The following AOX1 variants were observed in gnomAD, a reference collection of about 807,000 sequenced individuals.
AOX1 encodes aldehyde oxidase 1, also known as aldehyde oxidase.
Under a neutral mutation model 169.5 loss-of-function variants are expected in AOX1, and 153 were observed. That is an observed-to-expected ratio of 0.90 (90% CI 0.79 to 1.03). AOX1 has a LOEUF of 1.03. Among genes scored for constraint, AOX1 ranks in the 50% least tolerant of loss-of-function variants. AOX1 has a pLI of 0.00. For synonymous variants in AOX1, 562 were observed against 581.9 expected (o/e 0.97, Z 0.49); for missense variants, 1,656 against 1,663.9 (o/e 1.00, Z 0.08).
chr2:200,589,485 G>A (rs1053370380), intron 1 of AOX1, among the ~76,000 whole-genome samples: 3 of 152,164 alleles, frequency 2.0e-5, no homozygotes, highest in African/African-American at 7.2e-5. Context: ...CTGCCACTTG[G>A]CGGGTCTGGG....
intron 19 of AOX1, 24 bp from the exon 20 acceptor site, chr2:200,627,329 C>G: frequency 6.4e-7 from 1 of 1,570,318 alleles, no homozygotes; most frequent in South Asian, 1.1e-5. Context: ...CCCAAGCTGC[C>G]TCATTCCTCT....
chr2:200,642,058 G>A (rs1264880837), intron 24 of AOX1, among the ~76,000 whole-genome samples: 1 of 152,086 alleles, frequency 6.6e-6, no homozygotes, highest in Non-Finnish European at 1.5e-5. Flanking sequence ...GAACCCCGGA[G>A]GCAGAGGTTG....
Position 200,609,070 on chromosome 2 carries a change from C to A in AOX1, c.994C>A (p.Gln332Lys). 6.2e-7 allele frequency: 1 copy of A among 1,614,064 alleles called. No individual in the cohort carries two copies. The highest frequency in any genetic ancestry group is 2.2e-5 in the East Asian group (1 of 44,874). ...CCAGAAGCTTCCAGAGGAGAAGACA[C>A]AGATGTACCATGCTCTCCTGAAGCA... is the stretch of plus-strand genomic sequence containing the variant. ...VVQKLPEEKT[Q>K]MYHALLKHLG... Residue 332 changes from glutamine (Q) to lysine (K), a missense_variant, in exon 11 of 35, where the codon CAG becomes AAG. Coordinates refer to ENST00000374700, the MANE Select transcript of AOX1 (RefSeq NM_001159.4).
At chr2:200,656,619 A>G (rs933777622) in intron 26 of AOX1, among the ~76,000 whole-genome samples, 3 of 152,052 alleles carry the variant, frequency 2.0e-5, no homozygotes, top group Non-Finnish European at 4.4e-5. Context: ...TGTGCACACA[A>G]TTATTCACCC....
chr2:200,641,181 A>G lies in AOX1; in HGVS notation c.2652A>G (p.Leu884=). ...SNAGASLDES[L]FVIEMGLLKM... ...CAGGCGCCTCCTTGGATGAATCATT[A>G]TTCGTAAGTGTTTTAAGGAGCAAGT... Residue 884 remains leucine, a synonymous_variant, in exon 24 of 35, where the codon TTA becomes TTG. Transcript: ENST00000374700. 1 of 1,606,690 alleles carries G rather than the reference A, an allele frequency of 6.2e-7. No individual in the cohort carries two copies. The highest frequency in any genetic ancestry group is 1.1e-5 in the South Asian group (1 of 90,796).
intron 26 of AOX1, among the ~76,000 whole-genome samples, chr2:200,655,954 A>G (rs757856087): frequency 6.6e-6 from 1 of 152,340 alleles, no homozygotes; most frequent in Non-Finnish European, 1.5e-5. Context: ...TGGTTTATTA[A>G]GTTGACATTG....
At position 200,599,571 on chromosome 2, in the gene AOX1, CT is replaced by C. The variant is rs754055051; in HGVS notation, c.310-48del. The C allele has an allele frequency of 1.5e-4, 227 of 1,531,330 alleles. 3 individuals are homozygous for C. In the East Asian group the frequency reaches 5.3e-3, roughly 36 times the overall value. The allele number at this position is 1,531,330 out of a possible 1,614,324, so 94.9% of individuals were successfully genotyped here. ...GAATGCAGGCTCTAATTCATTAGGCCTGGGATGGGGCCCCAAATTCTGCATT... is the reference window on the plus strand; with the variant it reads ...GAATGCAGGCTCTAATTCATTAGGCCGGGATGGGGCCCCAAATTCTGCATT... On this transcript the variant is annotated intron_variant, in intron 4 of 34. Coordinates refer to ENST00000374700, the MANE Select transcript of AOX1 (RefSeq NM_001159.4).
At chr2:200,667,941 G>C (rs1193372039) in intron 32 of AOX1, among the ~76,000 whole-genome samples, 1 of 152,042 alleles carries the variant, frequency 6.6e-6, no homozygotes, top group African/African-American at 2.4e-5. Flanking sequence ...CATCAGTCAG[G>C]GGGGTTTGTC....
At chr2:200,658,670 C>T (rs527279367) in intron 27 of AOX1, among the ~76,000 whole-genome samples, 1 of 152,370 alleles carries the variant, frequency 6.6e-6, no homozygotes, top group Admixed American at 6.5e-5. Flanking sequence ...GCACATGGCA[C>T]TGGCGCCATC....
chr2:200,622,242 C>T (rs925611515), intron 18 of AOX1, among the ~76,000 whole-genome samples: 3 of 152,172 alleles, frequency 2.0e-5, no homozygotes, highest in African/African-American at 7.2e-5. Flanking sequence ...GTATAAATTC[C>T]TTGAGTGAGG....
intron 8 of AOX1, 126 bp downstream of exon 8, chr2:200,604,223 T>C: frequency 1.4e-6 from 1 of 723,188 alleles, no homozygotes; most frequent in South Asian, 1.7e-5. Context: ...CATCCTTAGC[T>C]CAAGGTCTAA....
intron 29 of AOX1, among the ~76,000 whole-genome samples, chr2:200,660,984 C>T (rs1405116698): frequency 6.6e-6 from 1 of 152,142 alleles, no homozygotes; most frequent in Non-Finnish European, 1.5e-5. Flanking sequence ...CCATTCAGCC[C>T]ACTTTCTTCG....
chr2:200,635,877 C>T (rs1186775614), intron 21 of AOX1, among the ~76,000 whole-genome samples: 6 of 152,032 alleles, frequency 3.9e-5, no homozygotes, highest in South Asian at 4.2e-4. Context: ...AATGAGGCCT[C>T]GTAAAAGGCA....
At chr2:200,679,665 CG>C (rs2036137413), downstream of AOX1, among the ~76,000 whole-genome samples, 2 of 152,134 alleles carry the variant, frequency 1.3e-5, no homozygotes, top group South Asian at 2.1e-4. Flanking sequence ...CGCCCCCCCC[CG>C]AGTCTGTCAC....
At chr2:200,604,501 C>T (rs1186351689) in intron 8 of AOX1, among the ~76,000 whole-genome samples, 195 bp from the exon 9 acceptor site, 1 of 152,166 alleles carries the variant, frequency 6.6e-6, no homozygotes, top group Admixed American at 6.5e-5. Flanking sequence ...CCAAGCAGTT[C>T]CCAGGAGTAA....
At chr2:200,654,709 A>T (rs1483134541) in intron 26 of AOX1, among the ~76,000 whole-genome samples, 1 of 152,220 alleles carries the variant, frequency 6.6e-6, no homozygotes, top group African/African-American at 2.4e-5. Flanking sequence ...CTTCTCATCG[A>T]TACCAGTAGT....
intron 25 of AOX1, among the ~76,000 whole-genome samples, chr2:200,648,485 T>C (rs1431750239): frequency 6.6e-6 from 1 of 152,042 alleles, no homozygotes; most frequent in East Asian, 1.9e-4. Context: ...CCTGTTCCGG[T>C]GGAGGTGATG....
chr2:200,676,974 C>T (rs1228321003), exon 5 of AOX1: 2 of 469,140 alleles, frequency 4.3e-6, no homozygotes, highest in East Asian at 1.4e-4. Flanking sequence ...ATGTCACATT[C>T]CAAGGCGTCA....
chr2:200,656,811 C>T, intron 26 of AOX1, 31 bp from the exon 27 acceptor site: 1 of 1,422,756 alleles, frequency 7.0e-7, no homozygotes, highest in Non-Finnish European at 9.5e-7. Context: ...TCAAAAAGAT[C>T]ACAGAAACAG....
Sources: allele counts gnomAD v4.1 joint callset (sites outside exome capture counted in the v4.1 genomes callset), GRCh38; gene constraint gnomAD v4.1.1; transcripts MANE v1.5; gene names NCBI Gene and HGNC (gene_info 2026-07-23, HGNC 2026-07-21).